Variants in ODR4 observed in about 807,000 individuals in gnomAD.
ODR4 encodes protein odr-4 homolog.
A neutral mutation model predicts 60.2 loss-of-function variants in ODR4; 47 were observed. The observed-to-expected ratio is 0.78, with a 90% CI of 0.62 to 1.00. The LOEUF (loss-of-function observed/expected upper bound fraction) is 1.00. Ranked by LOEUF, ODR4 falls within the 50% of genes least tolerant of loss-of-function variation. The pLI is 0.00. For synonymous variants in ODR4, 178 were observed against 175.5 expected (o/e 1.01, Z -0.11); for missense variants, 488 against 530.8 (o/e 0.92, Z 0.79).
In ODR4 at chr1:186,376,021, T is replaced by TGTGTGTGC. The variant is rs775716127; in HGVS notation, c.-20+48_-20+49insTGTGTGCG. 5.3e-4 allele frequency: 86 copies of TGTGTGTGC among 161,546 alleles called. 1 individual carries two copies. The highest frequency in any genetic ancestry group is 6.7e-4 in the Admixed American group (11 of 16,372). 10.0% of individuals were successfully genotyped at this position (161,546 alleles called of 1,614,324 possible). ...GTGTGTGTGTGTGTGTGTGTGTGTG[T>TGTGTGTGC]GCTCTCTTTTCAAGAGAAAAAGGAA... On this transcript the variant is annotated intron_variant, in intron 1 of 13. Transcript: ENST00000287859.
At chr1:186,416,241 A>G (rs2102094325) in intron 12 of ODR4, among the ~76,000 whole-genome samples, 1 of 152,296 alleles carries the variant, frequency 6.6e-6, no homozygotes, top group South Asian at 2.1e-4. Flanking sequence ...ACCACCAATA[A>G]TGATATAAAT....
At chr1:186,429,278 A>T in the ODR4 span, among the ~76,000 whole-genome samples, 1 of 152,152 alleles carries the variant, frequency 6.6e-6, no homozygotes, top group Non-Finnish European at 1.5e-5. Context: ...TCAAGAAAAA[A>T]AAAAGACAAT....
intron 8 of ODR4, among the ~76,000 whole-genome samples, chr1:186,392,664 A>G (rs370750295): frequency 6.6e-6 from 1 of 151,230 alleles, no homozygotes; most frequent in East Asian, 1.9e-4. Flanking sequence ...TAAAAATACA[A>G]AAGTTAGCTG....
At chr1:186,429,317 G>T in the ODR4 span, among the ~76,000 whole-genome samples, 1 of 151,978 alleles carries the variant, frequency 6.6e-6, no homozygotes, top group South Asian at 2.1e-4. Flanking sequence ...AATATTACAA[G>T]AGTTACCAAT....
chr1:186,381,650 T>G (rs1375750634), intron 2 of ODR4, among the ~76,000 whole-genome samples: 11 of 152,200 alleles, frequency 7.2e-5, no homozygotes, highest in Non-Finnish European at 1.3e-4. Context: ...CTATCTCTTT[T>G]TATGCTGTAG....
chr1:186,395,857 A>G (rs1018197796), intron 9 of ODR4, among the ~76,000 whole-genome samples: 1 of 152,166 alleles, frequency 6.6e-6, no homozygotes, highest in Non-Finnish European at 1.5e-5. Context: ...GACACTGATT[A>G]TGGTACTCCT....
intron 6 of ODR4, 39 bp downstream of exon 6, chr1:186,389,663 A>C (rs770032381): frequency 7.4e-7 from 1 of 1,351,076 alleles, no homozygotes; most frequent in Non-Finnish European, 1.0e-6. Flanking sequence ...CTGTGTCACA[A>C]AGTATTTTCA....
chr1:186,411,796 T>C (rs1661390948), intron 12 of ODR4: 2 of 858,512 alleles, frequency 2.3e-6, no homozygotes, highest in East Asian at 1.2e-4. Flanking sequence ...ATATTTCTCT[T>C]TTTTATGCTG....
chr1:186,386,046 T>C lies in ODR4; in HGVS notation c.293T>C (p.Leu98Ser). The change falls in exon 4 of 14, where the codon TTA (leucine) becomes TCA (serine). Residue 98 changes from leucine (L) to serine (S), a missense_variant. Coordinates refer to ENST00000287859, the MANE Select transcript of ODR4 (RefSeq NM_017847.6). ...LVLGVFIITT[L>S]ELANDFQNAL... ...CTTGGAGTATTTATTATTACTACTTTAGAACTGGCAAATGATTTTCAAAAT... is the reference window on the plus strand; with the variant it reads ...CTTGGAGTATTTATTATTACTACTTCAGAACTGGCAAATGATTTTCAAAAT... 6.2e-7 allele frequency: 1 copy of C among 1,605,012 alleles called. No individual in the cohort carries two copies. The highest frequency in any genetic ancestry group is 2.2e-5 in the East Asian group (1 of 44,612).
At chr1:186,424,556 A>G (rs530508598), downstream of ODR4, among the ~76,000 whole-genome samples, 91 of 152,248 alleles carry the variant, frequency 6.0e-4, no homozygotes, top group African/African-American at 2.0e-3. Context: ...AATTAGCTTA[A>G]AATAACAACC....
intron 11 of ODR4, among the ~76,000 whole-genome samples, chr1:186,399,768 T>A (rs1660849225): frequency 6.6e-6 from 1 of 152,086 alleles, no homozygotes; most frequent in Non-Finnish European, 1.5e-5. Flanking sequence ...ACTACACTAG[T>A]TTATATGCTT....
intron 1 of ODR4, among the ~76,000 whole-genome samples, chr1:186,377,183 T>C (rs1659814320): frequency 6.6e-6 from 1 of 152,176 alleles, no homozygotes; most frequent in South Asian, 2.1e-4. Context: ...TATTATATTG[T>C]TTAGGGAATA....
intron 10 of ODR4, among the ~76,000 whole-genome samples, chr1:186,398,691 CT>C (rs1660794047): frequency 6.6e-6 from 1 of 152,022 alleles, no homozygotes; most frequent in Admixed American, 6.6e-5. Flanking sequence ...ATATTAGTAT[CT>C]AATTTGGAAC....
At chr1:186,385,741 A>G (rs1363342740) in intron 3 of ODR4, among the ~76,000 whole-genome samples, 1 of 152,338 alleles carries the variant, frequency 6.6e-6, no homozygotes, top group African/African-American at 2.4e-5. Flanking sequence ...TGAAATATCA[A>G]TCTAAAATAA....
downstream of ODR4, among the ~76,000 whole-genome samples, chr1:186,423,649 T>G (rs1283205122): frequency 6.6e-6 from 1 of 151,684 alleles, no homozygotes; most frequent in Non-Finnish European, 1.5e-5. Context: ...CAGACAGGGT[T>G]TCACCAAGAT....
At chr1:186,402,344 CTTTCCT>C (rs1180916732) in intron 11 of ODR4, among the ~76,000 whole-genome samples, 33 of 149,114 alleles carry the variant, frequency 2.2e-4, no homozygotes, top group South Asian at 1.3e-3. Context: ...ACTTCCTCTC[CTTTCCT>C]TTTCCTTTTC....
chr1:186,385,860 C>A, intron 3 of ODR4, 128 bp from the exon 4 acceptor site: 1 of 581,178 alleles, frequency 1.7e-6, no homozygotes, highest in Non-Finnish European at 3.0e-6. Flanking sequence ...ATGTTGTTAT[C>A]AGATAGTTTT....
intron 12 of ODR4, chr1:186,411,939 A>T (rs577968777): frequency 4.4e-5 from 20 of 452,462 alleles, no homozygotes; most frequent in Non-Finnish European, 4.1e-5. Context: ...TGGTTTCTAG[A>T]TGATATTACA....
intron 12 of ODR4, among the ~76,000 whole-genome samples, chr1:186,413,322 G>A (rs1208784990): frequency 6.6e-6 from 1 of 151,946 alleles, no homozygotes; most frequent in Non-Finnish European, 1.5e-5. Flanking sequence ...TGCTCAACTT[G>A]TATGATTTAC....
Sources: gnomAD v4.1 joint callset for allele counts (sites outside exome capture counted in the v4.1 genomes callset) on GRCh38, gnomAD v4.1.1 for gene constraint, MANE v1.5 for transcripts, NCBI Gene and HGNC (gene_info 2026-07-23, HGNC 2026-07-21) for gene names.